Variants in ABTB2 observed in about 807,000 individuals in gnomAD.
ABTB2 encodes ankyrin repeat and BTB domain containing 2.
Under a neutral mutation model 104.1 loss-of-function variants are expected in ABTB2, and 56 were observed. That is an observed-to-expected ratio of 0.54 (90% CI 0.43 to 0.67). The LOEUF (loss-of-function observed/expected upper bound fraction) is 0.67, where lower values mean the gene tolerates loss of function less well. Among genes scored for constraint, ABTB2 ranks in the 30% least tolerant of loss-of-function variants. The probability of loss-of-function intolerance (pLI) is 0.00; values close to 1 mark genes in which losing one functional copy is unlikely to be tolerated. For synonymous variants in ABTB2, 606 were observed against 608.2 expected (o/e 1.00, Z 0.05); for missense variants, 1,279 against 1,407.7 (o/e 0.91, Z 1.46).
At chr11:34,336,002 A>C in intron 1 of ABTB2, 1 of 551,574 alleles carries the variant, frequency 1.8e-6, no homozygotes, top group East Asian at 3.1e-5. Flanking sequence ...ACATTGGCCA[A>C]CTCTACTGGA....
At chr11:34,343,317 C>T (rs564149547) in intron 1 of ABTB2, among the ~76,000 whole-genome samples, 1 of 152,286 alleles carries the variant, frequency 6.6e-6, no homozygotes, top group East Asian at 1.9e-4. Flanking sequence ...AACAAGGATG[C>T]TTTTACCACT....
intron 1 of ABTB2, among the ~76,000 whole-genome samples, chr11:34,222,935 G>T (rs370508399): frequency 9.0e-4 from 137 of 152,308 alleles, no homozygotes; most frequent in African/African-American, 3.2e-3. Context: ...TTTCCCTGGG[G>T]AGCACCTTCT....
At chr11:34,266,370 C>A (rs1854250240) in intron 1 of ABTB2, among the ~76,000 whole-genome samples, 1 of 152,218 alleles carries the variant, frequency 6.6e-6, no homozygotes, top group African/African-American at 2.4e-5. Flanking sequence ...CAGGCATAAG[C>A]CACTGCACCT....
At chr11:34,335,572 T>C in intron 1 of ABTB2, 1 of 1,487,308 alleles carries the variant, frequency 6.7e-7, no homozygotes, top group Non-Finnish European at 9.4e-7. Flanking sequence ...CACTCCACTC[T>C]GGCACTTTCA....
At chr11:34,164,107 A>ATCCAGCCCCGCTTTTCCAGCCCCGCTTT (rs56081951) in intron 9 of ABTB2, among the ~76,000 whole-genome samples, 19 of 150,710 alleles carry the variant, frequency 1.3e-4, no homozygotes, top group Non-Finnish European at 1.9e-4. Flanking sequence ...AGCCCTGCTT[A>ATCCAGCCCCGCTTTTCCAGCCCCGCTTT]TCCAGCCCCG....
chr11:34,273,571 C>T (rs1854345797), intron 1 of ABTB2, among the ~76,000 whole-genome samples: 1 of 152,136 alleles, frequency 6.6e-6, no homozygotes, highest in Non-Finnish European at 1.5e-5. Context: ...ACTGTGGCCC[C>T]TTGATGGGCT....
chr11:34,169,664 C>T (rs919323405), intron 5 of ABTB2, among the ~76,000 whole-genome samples: 6 of 152,276 alleles, frequency 3.9e-5, no homozygotes, highest in African/African-American at 9.6e-5. Context: ...GAGGCCCCCA[C>T]GAGATCCCAC....
intron 1 of ABTB2, among the ~76,000 whole-genome samples, chr11:34,283,336 C>T (rs775396829): frequency 1.3e-5 from 2 of 152,104 alleles, no homozygotes; most frequent in Non-Finnish European, 2.9e-5. Context: ...ATGTCTCAGC[C>T]TCTGGAGTAG....
At chr11:34,236,487 T>C (rs1853845245) in intron 1 of ABTB2, among the ~76,000 whole-genome samples, 2 of 152,202 alleles carry the variant, frequency 1.3e-5, no homozygotes, top group African/African-American at 4.8e-5. Flanking sequence ...GGAGAAGGAC[T>C]CTGTGCCGCC....
intron 1 of ABTB2, among the ~76,000 whole-genome samples, chr11:34,269,289 G>C (rs370904155): frequency 3.3e-5 from 5 of 152,218 alleles, no homozygotes; most frequent in African/African-American, 1.2e-4. Flanking sequence ...ATTAAACTGG[G>C]AGAAATTCCT....
At chr11:34,258,109 G>A (rs944915425) in intron 1 of ABTB2, among the ~76,000 whole-genome samples, 2 of 152,068 alleles carry the variant, frequency 1.3e-5, no homozygotes, top group South Asian at 2.1e-4. Context: ...GTCAGGACCC[G>A]CCTCAATAAC....
chr11:34,200,790 C>CT (rs1853326829), intron 2 of ABTB2, among the ~76,000 whole-genome samples: 1 of 152,208 alleles, frequency 6.6e-6, no homozygotes, highest in African/African-American at 2.4e-5. Context: ...TCAGCCAGGA[C>CT]TTGAACTGGG....
Position 34,348,438 on chromosome 11 carries a change from A to G in ABTB2, c.883+8263T>C, listed in dbSNP as rs138247973. ...ATGTATCTGAACCTTCCACCCAAAC[A>G]GGAGAACTTGCTGTTCTCCAACACA... is the stretch of plus-strand genomic sequence containing the variant. On this transcript the variant is annotated intron_variant, in intron 1 of 16. Transcript: ENST00000435224. 8.8e-3 allele frequency among the ~76,000 whole-genome samples: 1,340 copies of G among 152,296 alleles called. 24 individuals carry two copies. The highest frequency in any genetic ancestry group is 0.03 in the African/African-American group (1,264 of 41,552).
intron 1 of ABTB2, among the ~76,000 whole-genome samples, chr11:34,304,771 G>A (rs1854751393): frequency 6.6e-6 from 1 of 152,200 alleles, no homozygotes; most frequent in African/African-American, 2.4e-5. Context: ...GGTAAGAGTG[G>A]TGGGGCCAGG....
intron 1 of ABTB2, among the ~76,000 whole-genome samples, chr11:34,240,826 C>T (rs1026825578): frequency 5.3e-5 from 8 of 152,180 alleles, no homozygotes; most frequent in African/African-American, 1.9e-4. Context: ...AACTCCTGAC[C>T]TCAGATGATC....
In ABTB2 at chr11:34,154,421, C is replaced by A; in HGVS notation, c.2767-43G>T. On this transcript the variant is annotated intron_variant, in intron 15 of 16. Transcript: ENST00000435224. This position sits in a 1 kb window ranked among gnomAD's most constrained non-coding sequence, Gnocchi z 4.9. The stretch of plus-strand genomic sequence containing the variant: ...CAGGTCTTGGGGACCCATGGCCAGA[C>A]CAGTGGCCCAGACAGCACCGAACAG... 1 of 1,412,112 alleles carries A rather than the reference C, an allele frequency of 7.1e-7. No individual in the cohort carries two copies. The highest frequency in any genetic ancestry group is 1.2e-5 in the South Asian group (1 of 84,598). 87.5% of individuals were successfully genotyped at this position (1,412,112 alleles called of 1,614,324 possible).
Position 34,152,199 on chromosome 11 carries a change from G to GTGAT in ABTB2, c.*184_*187dup, listed in dbSNP as rs968179136. The GTGAT allele has an allele frequency of 1.1e-5, 7 of 647,226 alleles. No individual in the cohort carries two copies. Among genetic ancestry groups the GTGAT allele is most frequent in the South Asian group, 5.9e-5 (3 of 51,266 alleles). The allele number at this position is 647,226 out of a possible 1,614,324, so 40.1% of individuals were successfully genotyped here. ...AGCTACATCTCCCCTTTGCCCATCA[G>GTGAT]TGATTGAACAAACAGCTCTAGGGCA... is the stretch of plus-strand genomic sequence containing the variant. On this transcript the variant is annotated 3_prime_UTR_variant, in exon 17 of 17. Coordinates refer to ENST00000435224, the MANE Select transcript of ABTB2 (RefSeq NM_145804.3).
intron 1 of ABTB2, among the ~76,000 whole-genome samples, chr11:34,268,767 C>T (rs1854278514): frequency 6.6e-6 from 1 of 151,566 alleles, no homozygotes; most frequent in Non-Finnish European, 1.5e-5. Context: ...TTTTCCGTTG[C>T]CTCCTCCCAG....
At chr11:34,319,006 C>A (rs1854970965) in intron 1 of ABTB2, among the ~76,000 whole-genome samples, 1 of 152,214 alleles carries the variant, frequency 6.6e-6, no homozygotes. Context: ...TCTTTCCAGA[C>A]TGAAATCCTG....
Sources: gnomAD v4.1 joint callset for allele counts (sites outside exome capture counted in the v4.1 genomes callset) on GRCh38, gnomAD v4.1.1 for gene constraint, Gnocchi (gnomAD v3.1) non-coding constraint, MANE v1.5 for transcripts, NCBI Gene and HGNC (gene_info 2026-07-23, HGNC 2026-07-21) for gene names.